Variants in LRRC37A2 observed in about 807,000 individuals in gnomAD.
LRRC37A2 encodes the protein leucine rich repeat containing 37 member A2.
Under a neutral mutation model 68.8 loss-of-function variants are expected in LRRC37A2, and 9 were observed. The ratio of observed to expected loss-of-function variants is 0.13; its 90% CI spans 0.08 to 0.23. LRRC37A2 has a LOEUF of 0.23. LRRC37A2 is among the 10% of genes least tolerant of loss of function. The pLI is 1.00. For missense variants in LRRC37A2, 168 were observed against 950.4 expected, an observed-to-expected ratio of 0.18 and a Z score of 10.82; for synonymous variants, 63 against 367.6, an observed-to-expected ratio of 0.17 and a Z score of 9.48.
At chr17:46,961,720 T>C in the LRRC37A2 span, among the ~76,000 whole-genome samples, 1 of 152,088 alleles carries the variant, frequency 6.6e-6, no homozygotes. Flanking sequence ...CATAGAAAAT[T>C]TGCAAGCAAT....
chr17:46,872,719 C>T, the LRRC37A2 span: 29 of 1,597,860 alleles, frequency 1.8e-5, no homozygotes, highest in East Asian at 4.6e-5. Flanking sequence ...GTTTCAGTTC[C>T]GGCATGAGCG....
the LRRC37A2 span, among the ~76,000 whole-genome samples, chr17:46,761,022 A>C: frequency 6.6e-6 from 1 of 152,246 alleles, no homozygotes; most frequent in Non-Finnish European, 1.5e-5. Flanking sequence ...GCATTTCAGA[A>C]AAGGTGTAGT....
At chr17:47,003,651 T>C in the LRRC37A2 span, among the ~76,000 whole-genome samples, 1 of 152,236 alleles carries the variant, frequency 6.6e-6, no homozygotes, top group African/African-American at 2.4e-5. Flanking sequence ...GATGGCGTGT[T>C]TGGGCTGGCT....
chr17:46,765,344 C>A, the LRRC37A2 span, among the ~76,000 whole-genome samples: 1 of 152,226 alleles, frequency 6.6e-6, no homozygotes, highest in African/African-American at 2.4e-5. Context: ...TCCAGCTCAC[C>A]ATGTTCACAA....
the LRRC37A2 span, among the ~76,000 whole-genome samples, chr17:46,492,688 T>A: frequency 3.2e-5 from 3 of 94,244 alleles, no homozygotes; most frequent in Non-Finnish European, 7.8e-5. Flanking sequence ...GGTTTTGTTT[T>A]GTTTTTTTTT....
the LRRC37A2 span, among the ~76,000 whole-genome samples, chr17:46,947,770 G>GT: frequency 4.8e-4 from 73 of 151,666 alleles, no homozygotes; most frequent in Non-Finnish European, 4.7e-4. Context: ...ACTAGAAATA[G>GT]TTTTTTTTTC....
At chr17:46,501,046 G>A in the LRRC37A2 span, among the ~76,000 whole-genome samples, 1 of 151,284 alleles carries the variant, frequency 6.6e-6, no homozygotes, top group Non-Finnish European at 1.5e-5. Flanking sequence ...AGCTGGGCAT[G>A]GTGGTGGTAC....
chr17:46,779,116 C>T, the LRRC37A2 span, among the ~76,000 whole-genome samples: 3 of 149,900 alleles, frequency 2.0e-5, no homozygotes, highest in East Asian at 3.9e-4. Flanking sequence ...CCAGCCCACT[C>T]GGCCTTCCAA....
the LRRC37A2 span, among the ~76,000 whole-genome samples, chr17:46,769,077 G>T: frequency 6.6e-6 from 1 of 152,216 alleles, no homozygotes; most frequent in African/African-American, 2.4e-5. Flanking sequence ...AGCACCTTGG[G>T]AGGCTGAGGC....
chr17:46,721,675 G>T, the LRRC37A2 span: 1 of 1,603,782 alleles, frequency 6.2e-7, no homozygotes, highest in Non-Finnish European at 8.5e-7. Flanking sequence ...GTTCCACATT[G>T]TTCTGCTGTG....
At chr17:46,765,656 G>A in the LRRC37A2 span, among the ~76,000 whole-genome samples, 2 of 152,248 alleles carry the variant, frequency 1.3e-5, no homozygotes, top group African/African-American at 4.8e-5. Context: ...TTGCCTAGCG[G>A]AGTCTCGGCC....
chr17:46,771,905 C>T, the LRRC37A2 span, among the ~76,000 whole-genome samples: 6 of 145,648 alleles, frequency 4.1e-5, no homozygotes, highest in Non-Finnish European at 6.1e-5. Flanking sequence ...CCCCCGCCCC[C>T]GCCTGGGGAA....
chr17:46,861,443 A>G, the LRRC37A2 span, among the ~76,000 whole-genome samples: 6 of 148,218 alleles, frequency 4.0e-5, no homozygotes, highest in African/African-American at 1.5e-4. Context: ...TGTCCCATTC[A>G]CTCCTTCATC....
At chr17:47,014,373 G>C in the LRRC37A2 span, among the ~76,000 whole-genome samples, 1 of 144,974 alleles carries the variant, frequency 6.9e-6, no homozygotes, top group African/African-American at 2.6e-5. Context: ...CTGGATGACA[G>C]AGCAAGACTC....
the LRRC37A2 span, among the ~76,000 whole-genome samples, chr17:47,011,128 C>T: frequency 6.6e-6 from 1 of 152,324 alleles, no homozygotes; most frequent in South Asian, 2.1e-4. Context: ...AGCCGCCTGA[C>T]ACTTGAAGGC....
chr17:47,000,031 A>C, the LRRC37A2 span, among the ~76,000 whole-genome samples: 2 of 24,398 alleles, frequency 8.2e-5, no homozygotes, highest in African/African-American at 1.5e-4. Context: ...AATAAAATAA[A>C]ATAAAATAAA....
the LRRC37A2 span, chr17:46,757,193 ATCT>A: frequency 6.6e-5 from 10 of 152,178 alleles, no homozygotes; most frequent in African/African-American, 2.2e-4. Context: ...TGGATGTCAT[ATCT>A]TCTTTGTTTT....
At chr17:47,023,841 C>T in the LRRC37A2 span, among the ~76,000 whole-genome samples, 2 of 152,140 alleles carry the variant, frequency 1.3e-5, no homozygotes, top group East Asian at 1.9e-4. Context: ...GTGATTCACA[C>T]ACCTTGGCTT....
At chr17:46,985,543 T>G in the LRRC37A2 span, among the ~76,000 whole-genome samples, 1 of 150,858 alleles carries the variant, frequency 6.6e-6, no homozygotes, top group Non-Finnish European at 1.5e-5. Flanking sequence ...AAAGAAAATT[T>G]AAAGAAATGC....
Sources: allele counts gnomAD v4.1 joint callset (sites outside exome capture counted in the v4.1 genomes callset), GRCh38; gene constraint gnomAD v4.1.1; transcripts MANE v1.5; gene names NCBI Gene and HGNC (gene_info 2026-07-23, HGNC 2026-07-21).